The following RP1 variants were observed in gnomAD, a reference collection of about 807,000 sequenced individuals.
RP1 encodes RP1 axonemal microtubule associated, also known as oxygen-regulated protein 1.
RP1 carries 16 observed loss-of-function variants against 14.8 expected under a neutral mutation model. The observed-to-expected ratio is 1.08, with a 90% CI of 0.73 to 1.65. RP1 has a LOEUF of 1.65. Ranked by LOEUF, RP1 falls within the 40% of genes most tolerant of loss-of-function variation. The pLI, the probability that RP1 is intolerant of heterozygous loss-of-function variation, is 0.00. For missense variants in RP1, 2,631 were observed against 2,535.0 expected, an observed-to-expected ratio of 1.04 and a Z score of -0.81; for synonymous variants, 876 against 883.6, an observed-to-expected ratio of 0.99 and a Z score of 0.15.
At chr8:54,659,074 T>C (rs1010141767) in intron 6 of RP1, among the ~76,000 whole-genome samples, 1 of 152,310 alleles carries the variant, frequency 6.6e-6, no homozygotes, top group South Asian at 2.1e-4. Flanking sequence ...TTGTCTCTTT[T>C]TCATGTGTTA....
At chr8:54,800,374 G>A (rs1228451428) in intron 24 of RP1, among the ~76,000 whole-genome samples, 3 of 151,714 alleles carry the variant, frequency 2.0e-5, no homozygotes, top group Admixed American at 6.6e-5. Flanking sequence ...TGGTTGGTGA[G>A]CTTCTTAGAT....
intron 19 of RP1, among the ~76,000 whole-genome samples, chr8:54,742,860 G>GA (rs1809132091): frequency 2.6e-5 from 4 of 152,254 alleles, no homozygotes; most frequent in African/African-American, 9.6e-5. Context: ...GAGGGGTATA[G>GA]CAACATCACT....
intron 1 of RP1, among the ~76,000 whole-genome samples, chr8:54,608,181 GC>G (rs1805507099): frequency 6.9e-6 from 1 of 145,702 alleles, no homozygotes; most frequent in African/African-American, 2.6e-5. Context: ...TTGGCCATCT[GC>G]CTTTTTTTTT....
exon 14 of RP1, chr8:54,701,614 A>G (rs772600562): frequency 2.6e-6 from 4 of 1,535,754 alleles, no homozygotes; most frequent in Non-Finnish European, 3.5e-6. Flanking sequence ...CTGATGCATC[A>G]TCAGCAGGCT....
chr8:54,671,233 G>A (rs1421272783), intron 7 of RP1, among the ~76,000 whole-genome samples: 1 of 151,980 alleles, frequency 6.6e-6, no homozygotes, highest in Admixed American at 6.6e-5. Context: ...CATATATGAT[G>A]AGTTGCCTTT....
At chr8:54,671,257 C>T (rs148200945) in intron 7 of RP1, among the ~76,000 whole-genome samples, 8 of 152,070 alleles carry the variant, frequency 5.3e-5, no homozygotes, top group African/African-American at 1.9e-4. Context: ...TTGCTGCTTC[C>T]ACGATTGTCT....
At chr8:54,727,551 A>G (rs192632633) in intron 17 of RP1, among the ~76,000 whole-genome samples, 1 of 152,108 alleles carries the variant, frequency 6.6e-6, no homozygotes, top group Non-Finnish European at 1.5e-5. Context: ...TGGCAAAAAT[A>G]TTTTTTAAAT....
chr8:54,664,136 A>G (rs1026774067), intron 7 of RP1, among the ~76,000 whole-genome samples: 7 of 152,138 alleles, frequency 4.6e-5, no homozygotes, highest in African/African-American at 1.7e-4. Context: ...GGGAAATAAT[A>G]TAGTAATTGT....
intron 26 of RP1, among the ~76,000 whole-genome samples, chr8:54,854,667 C>T (rs1162334563): frequency 6.6e-6 from 1 of 152,082 alleles, no homozygotes; most frequent in African/African-American, 2.4e-5. Context: ...GAGTTCGAGA[C>T]CAGCCTGGCC....
chr8:54,814,843 A>C (rs1811099156), intron 24 of RP1, among the ~76,000 whole-genome samples: 1 of 152,132 alleles, frequency 6.6e-6, no homozygotes, highest in Non-Finnish European at 1.5e-5. Context: ...TGTCTTTGGA[A>C]ACACCAACAT....
At chr8:54,831,366 C>T (rs1179731657) in intron 24 of RP1, among the ~76,000 whole-genome samples, 1 of 138,352 alleles carries the variant, frequency 7.2e-6, no homozygotes, top group East Asian at 2.1e-4. Flanking sequence ...ATTTGTTTCT[C>T]CTTTCTTTCT....
In RP1 at chr8:54,748,843, A is replaced by AT. The variant is rs919691842; in HGVS notation, c.2809-5951dup. ...TGGAATCTGTAATGAGAGTAGAAGT[A>AT]TTTTTTTTTGTTTTATAGAACAAAG... is the stretch of plus-strand genomic sequence containing the variant. On this transcript the variant is annotated intron_variant, in intron 19 of 22. Coordinates refer to the RP1 transcript ENST00000636932. Among the ~76,000 whole-genome samples the AT allele has an allele frequency of 2.1e-3, 313 of 151,256 alleles. 1 individual carries two copies. Among genetic ancestry groups the AT allele is most frequent in the East Asian group, 2.9e-3 (15 of 5,136 alleles).
chr8:54,599,607 C>T (rs1805228385), intron 1 of RP1, among the ~76,000 whole-genome samples: 1 of 152,056 alleles, frequency 6.6e-6, no homozygotes, highest in South Asian at 2.1e-4. Context: ...GTGCACATCA[C>T]CATGCCTGGC....
At chr8:54,584,562 C>G (rs1005608191) in intron 1 of RP1, among the ~76,000 whole-genome samples, 1 of 152,134 alleles carries the variant, frequency 6.6e-6, no homozygotes, top group African/African-American at 2.4e-5. Context: ...TCCTTGTTAA[C>G]TTTCTGTCTA....
At chr8:54,608,880 A>T (rs1450003757) in intron 1 of RP1, among the ~76,000 whole-genome samples, 1 of 152,098 alleles carries the variant, frequency 6.6e-6, no homozygotes, top group East Asian at 1.9e-4. Flanking sequence ...CACCATGAAG[A>T]TGGGGGCTGG....
chr8:54,817,490 A>G (rs1446806632), intron 24 of RP1, among the ~76,000 whole-genome samples: 1 of 152,170 alleles, frequency 6.6e-6, no homozygotes, highest in Non-Finnish European at 1.5e-5. Flanking sequence ...GTGACAAATG[A>G]GCCTGTCTAG....
chr8:54,798,625 T>C (rs1388913777), intron 24 of RP1, among the ~76,000 whole-genome samples: 4 of 152,218 alleles, frequency 2.6e-5, no homozygotes, highest in Admixed American at 6.5e-5. Context: ...AAGATCATTA[T>C]CCTCAGATGA....
intron 4 of RP1, among the ~76,000 whole-genome samples, chr8:54,651,873 A>G (rs531905578): frequency 3.3e-5 from 5 of 152,248 alleles, no homozygotes; most frequent in Admixed American, 1.3e-4. Context: ...ATATAGCTAT[A>G]AATTTCCCTC....
intron 19 of RP1, among the ~76,000 whole-genome samples, chr8:54,750,039 G>A (rs535285304): frequency 1.1e-4 from 17 of 152,210 alleles, no homozygotes; most frequent in Non-Finnish European, 2.4e-4. Flanking sequence ...GTCGTGGTCA[G>A]CTCTCCCAAG....
Sources: gnomAD v4.1 joint callset for allele counts (sites outside exome capture counted in the v4.1 genomes callset) on GRCh38, gnomAD v4.1.1 for gene constraint, MANE v1.5 for transcripts, NCBI Gene and HGNC (gene_info 2026-07-23, HGNC 2026-07-21) for gene names.